EFCAB12: variants seen among roughly 807,000 people sequenced by gnomAD.
The protein encoded by EFCAB12 is EF-hand calcium-binding domain-containing protein 12.
In EFCAB12, 43 loss-of-function variants were observed where a neutral mutation model predicts 53.6. The ratio of observed to expected loss-of-function variants is 0.80; its 90% CI spans 0.63 to 1.03. The LOEUF is 1.03. Among genes scored for constraint, EFCAB12 ranks in the 50% least tolerant of loss-of-function variants. The pLI is 0.00. For synonymous variants in EFCAB12, 269 were observed against 289.2 expected (o/e 0.93, Z 0.71); for missense variants, 646 against 730.6 (o/e 0.88, Z 1.34).
At chr3:129,417,899 GT>G (rs2107740502) in intron 3 of EFCAB12, among the ~76,000 whole-genome samples, 1 of 152,178 alleles carries the variant, frequency 6.6e-6, no homozygotes, top group East Asian at 1.9e-4. Context: ...GCCAGTGACA[GT>G]TGGAGACACT....
intron 2 of EFCAB12, among the ~76,000 whole-genome samples, chr3:129,419,460 T>C: frequency 6.6e-6 from 1 of 152,170 alleles, no homozygotes; most frequent in East Asian, 1.9e-4. Flanking sequence ...GGTCATGAGG[T>C]GTCTGCTCTT....
chr3:129,405,231 A>G (rs9849855), intron 6 of EFCAB12, among the ~76,000 whole-genome samples: 9,479 of 152,210 alleles, frequency 0.062, 932 homozygotes, highest in East Asian at 0.44. Context: ...CAGGGTCTCC[A>G]CCTTCTGCAA....
chr3:129,404,386 CT>C lies in EFCAB12; in HGVS notation c.1266del (p.Asp423ThrfsTer67). 6.2e-7 allele frequency: 1 copy of C among 1,613,472 alleles called. No homozygotes were observed. The highest frequency in any genetic ancestry group is 8.5e-7 in the Non-Finnish European group (1 of 1,179,698). On this transcript the variant is annotated frameshift_variant, in exon 7 of 9. Transcript: ENST00000505956. LOFTEE classifies it high-confidence loss of function. ...TTGTCCATCTGGAAAATGATCTTGTCTCCTGGGTACAGCAAGGCTGTGGACA... is the reference window on the plus strand; with the variant it reads ...TTGTCCATCTGGAAAATGATCTTGTCCCTGGGTACAGCAAGGCTGTGGACA... ...DILMKALLYP[G>X]DKIIFQMDKV... is the part of the protein sequence containing the mutation.
At chr3:129,412,986 A>G (rs1042430916) in intron 4 of EFCAB12, 1 of 152,042 alleles carries the variant, frequency 6.6e-6, no homozygotes, top group African/African-American at 2.4e-5. Context: ...TAATATCCTG[A>G]CCTTACCACC....
At chr3:129,405,321 C>T (rs1217424207) in intron 6 of EFCAB12, among the ~76,000 whole-genome samples, 12 of 151,478 alleles carry the variant, frequency 7.9e-5, no homozygotes, top group African/African-American at 1.7e-4. Flanking sequence ...TACGCTCCAG[C>T]GAGTTAATGT....
rs189090968 is a variant in EFCAB12 at position 129,415,035 on chromosome 3, G to A, written c.838+210C>T. 1,309 of 489,652 alleles carry A rather than the reference G, an allele frequency of 2.7e-3. 1 individual carries two copies. The highest frequency in any genetic ancestry group is 3.7e-3 in the Non-Finnish European group (1,070 of 290,234). The allele number at this position is 489,652 out of a possible 1,614,324, so 30.3% of individuals were successfully genotyped here. ...GGCTGGGACTCATTTGTCTTTGAAT[G>A]GACACAGTGGTAGCTGGGCACTCAA... On this transcript the variant is annotated intron_variant, in intron 4 of 8. Transcript: ENST00000505956.
chr3:129,409,994 A>G (rs2072013618), intron 5 of EFCAB12, among the ~76,000 whole-genome samples: 1 of 151,586 alleles, frequency 6.6e-6, no homozygotes, highest in African/African-American at 2.4e-5. Context: ...AATTATATAT[A>G]TATTTGTGTT....
intron 1 of EFCAB12, among the ~76,000 whole-genome samples, chr3:129,424,024 T>A (rs1018857792): frequency 6.6e-6 from 1 of 152,146 alleles, no homozygotes; most frequent in African/African-American, 2.4e-5. Flanking sequence ...CTGGGTCCCA[T>A]AGCCCCCACA....
At chr3:129,404,185 C>T in intron 7 of EFCAB12, 65 bp downstream of exon 7, 1 of 1,554,242 alleles carries the variant, frequency 6.4e-7, no homozygotes, top group Non-Finnish European at 8.7e-7. Flanking sequence ...CTCCAGCCCC[C>T]ACACTGAAGG....
In EFCAB12 at chr3:129,402,584, TGGA is replaced by T. The variant is rs746762472; in HGVS notation, c.1404-8_1404-6del. 2 of 1,611,924 alleles carry T rather than the reference TGGA, an allele frequency of 1.2e-6. No homozygotes were observed. Among genetic ancestry groups the T allele is most frequent in the Non-Finnish European group, 1.7e-6 (2 of 1,178,772 alleles). ...TTGCTTTTCTTTGGCGTTTTCCTAG[TGGA>T]GAAGAGAGAGGCATTTTGTGAGGAG... On this transcript the variant is annotated splice_region_variant and splice_polypyrimidine_tract_variant and intron_variant, in intron 7 of 8. Coordinates refer to ENST00000505956, the MANE Select transcript of EFCAB12 (RefSeq NM_207307.3).
intron 2 of EFCAB12, among the ~76,000 whole-genome samples, chr3:129,420,002 GA>G (rs1173339371): frequency 2.8e-4 from 43 of 152,328 alleles, no homozygotes; most frequent in Non-Finnish European, 1.2e-4. Context: ...TCAGAGATGT[GA>G]AAGGTTTTCC....
intron 3 of EFCAB12, 38 bp from the exon 4 acceptor site, chr3:129,415,439 A>G (rs1232890908): frequency 2.5e-6 from 4 of 1,610,288 alleles, no homozygotes; most frequent in Admixed American, 3.4e-5. Flanking sequence ...GCAGGCTCCC[A>G]TCCAAACATC....
chr3:129,404,185 C>A (rs1016996074), intron 7 of EFCAB12, 65 bp downstream of exon 7: 11 of 1,554,126 alleles, frequency 7.1e-6, no homozygotes, highest in African/African-American at 1.4e-5. Context: ...CTCCAGCCCC[C>A]ACACTGAAGG....
At chr3:129,405,473 T>C (rs2071937142) in intron 6 of EFCAB12, among the ~76,000 whole-genome samples, 1 of 152,206 alleles carries the variant, frequency 6.6e-6, no homozygotes, top group African/African-American at 2.4e-5. Flanking sequence ...AATAATTTTC[T>C]GTAAATGGAA....
rs751036998 is a variant in EFCAB12 at position 129,415,330 on chromosome 3, G to A, written c.753C>T (p.Asn251=). The A allele has an allele frequency of 6.2e-7, 1 of 1,613,646 alleles. No homozygotes were observed. Among genetic ancestry groups the A allele is most frequent in the Non-Finnish European group, 8.5e-7 (1 of 1,179,760 alleles). Residue 251 remains asparagine (N), a synonymous_variant, in exon 4 of 9, where the codon AAC becomes AAT. Coordinates refer to ENST00000505956, the MANE Select transcript of EFCAB12 (RefSeq NM_207307.3). ...VIYLSSLGKH[N]TITMDILANT... ...TGGCCAGGATATCCATGGTGATGGT[G>A]TTGTGCTTCCCAAGAGAGCTGAGGT...
intron 2 of EFCAB12, among the ~76,000 whole-genome samples, chr3:129,421,077 C>T (rs556583517): frequency 2.0e-5 from 3 of 152,394 alleles, no homozygotes; most frequent in Non-Finnish European, 4.4e-5. Context: ...AACATCCTGA[C>T]TGCAACCTCA....
At chr3:129,427,886 C>A (rs1339604787) in intron 1 of EFCAB12, among the ~76,000 whole-genome samples, 1 of 152,204 alleles carries the variant, frequency 6.6e-6, no homozygotes, top group Non-Finnish European at 1.5e-5. Flanking sequence ...TGTTTCCTTG[C>A]CCGAAATGCT....
intron 4 of EFCAB12, chr3:129,413,003 T>C (rs1330104815): frequency 6.6e-6 from 1 of 152,286 alleles, no homozygotes; most frequent in African/African-American, 2.4e-5. Flanking sequence ...CACCTTCTAT[T>C]GAGGCTGTGA....
chr3:129,428,421 G>T lies in EFCAB12; in HGVS notation c.49+19C>A. 1 of 1,600,548 alleles carries T rather than the reference G, an allele frequency of 6.2e-7. No homozygotes were observed. Among genetic ancestry groups the T allele is most frequent in the African/African-American group, 1.3e-5 (1 of 74,844 alleles). On this transcript the variant is annotated intron_variant, in intron 1 of 8. Coordinates refer to ENST00000505956, the MANE Select transcript of EFCAB12 (RefSeq NM_207307.3). ...AGGGCGCTGAGCGCTCCCTGCAGAC[G>T]CTTCTTCCCGGGGCTTACCGAGCAG...
Sources: gnomAD v4.1 joint callset for allele counts (sites outside exome capture counted in the v4.1 genomes callset) on GRCh38, gnomAD v4.1.1 for gene constraint, MANE v1.5 for transcripts, NCBI Gene and HGNC (gene_info 2026-07-23, HGNC 2026-07-21) for gene names.